Variants in ETV3 observed in about 807,000 individuals in gnomAD.
The protein encoded by ETV3 is ETS variant transcription factor 3.
A neutral mutation model predicts 33.0 loss-of-function variants in ETV3; 8 were observed. That is an observed-to-expected ratio of 0.24 (90% confidence interval 0.14 to 0.44). The LOEUF (loss-of-function observed/expected upper bound fraction) is 0.44, where lower values mean the gene tolerates loss of function less well. ETV3 is among the 20% of genes least tolerant of loss of function. The pLI is 1.00. For synonymous variants in ETV3, 222 were observed against 238.9 expected (o/e 0.93, Z 0.65); for missense variants, 473 against 652.3 (o/e 0.73, Z 2.99).
chr1:157,127,706 C>T (rs763943842), intron 4 of ETV3, among the ~76,000 whole-genome samples: 18 of 152,120 alleles, frequency 1.2e-4, no homozygotes, highest in Non-Finnish European at 1.9e-4. Flanking sequence ...CTACCATGCC[C>T]GGCTAATTTT....
chr1:157,125,169 G>A lies in ETV3; in HGVS notation c.1211C>T (p.Thr404Ile). Residue 404 changes from threonine (T) to isoleucine (I), a missense_variant, in exon 5 of 5, where the codon ACT becomes ATT. Around this residue, in one of 3 missense-constraint regions of ETV3, gnomAD observed 410 missense variants for 520.2 expected, o/e 0.79. Coordinates refer to ENST00000368192, the MANE Select transcript of ETV3 (RefSeq NM_001145312.3). This position sits in a 1 kb window ranked among gnomAD's most constrained non-coding sequence, Gnocchi z 4.0. The stretch of plus-strand genomic sequence containing the variant: ...GCTTGGCACAGTGCCCTCTTCTTGA[G>A]TGTGCTCCTCCTTCTCTCGTGCCGA... ...RQSAREKEEH[T>I]QEEGTVPSRT... 1.9e-6 allele frequency: 3 copies of A among 1,552,048 alleles called. No homozygotes were observed. The highest frequency in any genetic ancestry group is 2.6e-6 in the Non-Finnish European group (3 of 1,147,038).
chr1:157,126,393 T>C (rs1441385997), intron 4 of ETV3, among the ~76,000 whole-genome samples: 1 of 152,216 alleles, frequency 6.6e-6, no homozygotes, highest in East Asian at 1.9e-4. Flanking sequence ...CTAAATATTG[T>C]GTATATATTA....
chr1:157,130,700 G>A (rs1349584838), intron 4 of ETV3, among the ~76,000 whole-genome samples: 2 of 152,076 alleles, frequency 1.3e-5, no homozygotes, highest in African/African-American at 4.8e-5. Flanking sequence ...GTCAGCACAG[G>A]GCCTATTGTT....
chr1:157,132,421 C>T (rs755226474), intron 4 of ETV3, among the ~76,000 whole-genome samples: 17 of 152,214 alleles, frequency 1.1e-4, no homozygotes, highest in South Asian at 2.1e-4. Context: ...CTTCCCAGGG[C>T]TTATGAATGC....
chr1:157,131,273 C>T (rs1571699596), intron 4 of ETV3, among the ~76,000 whole-genome samples: 1 of 152,248 alleles, frequency 6.6e-6, no homozygotes, highest in African/African-American at 2.4e-5. Context: ...GTTTCTTATG[C>T]AAATATAAGA....
chr1:157,133,952 T>C (rs1675033123), intron 4 of ETV3, 160 bp downstream of exon 4: 2 of 1,446,668 alleles, frequency 1.4e-6, no homozygotes, highest in Admixed American at 2.9e-5. Flanking sequence ...ACTCTCCTTA[T>C]AAGTGAGATG....
Position 157,122,381 on chromosome 1 carries a change from C to G in ETV3, c.*2460G>C, listed in dbSNP as rs1437182947. 1 of 152,074 alleles carries G rather than the reference C, an allele frequency of 6.6e-6. No individual in the cohort carries two copies. The highest frequency in any genetic ancestry group is 1.5e-5 in the Non-Finnish European group (1 of 68,036). The allele number at this position is 152,074 out of a possible 1,614,324, so 9.4% of individuals were successfully genotyped here. A position where few individuals can be genotyped will look rare whatever the true frequency, so the allele number is the denominator to read the frequency against. On this transcript the variant is annotated 3_prime_UTR_variant, in exon 5 of 5. Coordinates refer to ENST00000368192, the MANE Select transcript of ETV3 (RefSeq NM_001145312.3). ...ACCCCAGAGTGCAGTGCAAATCAAC[C>G]AACAATTTACTGGTGGAATGGCAAT...
chr1:157,137,925 T>C (rs1046579189), intron 1 of ETV3, among the ~76,000 whole-genome samples: 2 of 152,200 alleles, frequency 1.3e-5, no homozygotes, highest in African/African-American at 4.8e-5. Context: ...GTCTCAACTC[T>C]GCAAACCACA....
chr1:157,136,290 G>A lies in ETV3; in HGVS notation c.46+17C>T, dbSNP rs763344319. On this transcript the variant is annotated intron_variant, in intron 2 of 4. Transcript: ENST00000368192. ...GGAAGCTTCCAGGTACATCAGAGAT[G>A]ATTAACTTCTGCTCACCTCCACCTC... 1 of 1,611,916 alleles carries A rather than the reference G, an allele frequency of 6.2e-7. No homozygotes were observed. Among genetic ancestry groups the A allele is most frequent in the East Asian group, 2.2e-5 (1 of 44,772 alleles).
intron 3 of ETV3, 57 bp from the exon 4 acceptor site, chr1:157,134,284 C>T (rs1157752498): frequency 2.5e-6 from 4 of 1,573,812 alleles, no homozygotes; most frequent in South Asian, 1.2e-5. Flanking sequence ...GCTTTCAATA[C>T]ACTTAGGTAG....
rs150786870 is a variant in ETV3, at chr1:157,133,321, T to G, written c.400+791A>C. 6.0e-6 allele frequency: 5 copies of G among 829,552 alleles called. No homozygotes were observed. In the East Asian group the frequency reaches 6.2e-4, roughly 102 times the overall value. 51.4% of individuals were successfully genotyped at this position (829,552 alleles called of 1,614,324 possible). On this transcript the variant is annotated intron_variant, in intron 4 of 4. Transcript: ENST00000368192. ...TATATGAATGGAGTTTGGTACTATC[T>G]GTGGTTTGCGAATCTACTAGGGGTC...
In ETV3 at chr1:157,123,920, C is replaced by A. The variant is rs771817695; in HGVS notation, c.*921G>T. ...GCTCACAGTCACACTTGGTTTGGCT[C>A]CCCAAACCCACAATAGAAAAGGAAA... On this transcript the variant is annotated 3_prime_UTR_variant, in exon 5 of 5. Coordinates refer to ENST00000368192, the MANE Select transcript of ETV3 (RefSeq NM_001145312.3). 1 of 152,156 alleles carries A rather than the reference C, an allele frequency of 6.6e-6. No individual in the cohort carries two copies. Among genetic ancestry groups the A allele is most frequent in the Non-Finnish European group, 1.5e-5 (1 of 68,036 alleles). The allele number at this position is 152,156 out of a possible 1,614,324, so 9.4% of individuals were successfully genotyped here. A position where few individuals can be genotyped will look rare whatever the true frequency, so the allele number is the denominator to read the frequency against.
chr1:157,134,796 C>CTG (rs1483208400), intron 3 of ETV3, among the ~76,000 whole-genome samples: 1 of 152,234 alleles, frequency 6.6e-6, no homozygotes, highest in South Asian at 2.1e-4. Flanking sequence ...AGCAAAGCCA[C>CTG]TGTACAGAGT....
Position 157,123,311 on chromosome 1 carries a change from G to C in ETV3, c.*1530C>G, listed in dbSNP as rs189605488. 7 of 152,366 alleles carry C rather than the reference G, an allele frequency of 4.6e-5. No homozygotes were observed. The highest frequency in any genetic ancestry group is 1.0e-4 in the Non-Finnish European group (7 of 68,080). The allele number at this position is 152,366 out of a possible 1,614,324, so 9.4% of individuals were successfully genotyped here. On this transcript the variant is annotated 3_prime_UTR_variant, in exon 5 of 5. Coordinates refer to ENST00000368192, the MANE Select transcript of ETV3 (RefSeq NM_001145312.3). ...CTTCTTTCTCTCTGCCCCTAGTCCAGGCTCCTTTGCTTCACGTAAGATTAA... is the reference window on the plus strand; with the variant it reads ...CTTCTTTCTCTCTGCCCCTAGTCCACGCTCCTTTGCTTCACGTAAGATTAA...
chr1:157,136,238 C>A, intron 2 of ETV3, 69 bp downstream of exon 2: 1 of 1,440,472 alleles, frequency 6.9e-7, no homozygotes, highest in South Asian at 1.1e-5. Flanking sequence ...GAACAGAGCT[C>A]AAGTGGAGAG....
In ETV3 at chr1:157,122,016, G is replaced by A. The variant is rs1021719925; in HGVS notation, c.*2825C>T. 4 of 152,236 alleles carry A rather than the reference G, an allele frequency of 2.6e-5. No individual in the cohort carries two copies. Among genetic ancestry groups the A allele is most frequent in the Non-Finnish European group, 4.4e-5 (3 of 68,010 alleles). The allele number at this position is 152,236 out of a possible 1,614,324, so 9.4% of individuals were successfully genotyped here. The stretch of plus-strand genomic sequence containing the variant: ...ATAGCTAAAAAAGCAAACTTTACAC[G>A]AAGAAGCTCTTGATTAAGGAAATTT... On this transcript the variant is annotated 3_prime_UTR_variant, in exon 5 of 5. Coordinates refer to ENST00000368192, the MANE Select transcript of ETV3 (RefSeq NM_001145312.3).
chr1:157,127,703 G>A (rs1450025516), intron 4 of ETV3, among the ~76,000 whole-genome samples: 1 of 152,050 alleles, frequency 6.6e-6, no homozygotes, highest in African/African-American at 2.4e-5. Flanking sequence ...GTGCTACCAT[G>A]CCCGGCTAAT....
At chr1:157,126,560 T>A (rs1003285585) in intron 4 of ETV3, among the ~76,000 whole-genome samples, 28 of 152,374 alleles carry the variant, frequency 1.8e-4, no homozygotes, top group Admixed American at 9.1e-4. Context: ...AGATAGTTGC[T>A]ACAAGAGGAC....
chr1:157,134,320 T>TG, intron 3 of ETV3, 93 bp from the exon 4 acceptor site: 1 of 1,480,502 alleles, frequency 6.8e-7, no homozygotes, highest in Non-Finnish European at 9.0e-7. Context: ...ATTCTTGCTC[T>TG]GAGTATTACT....
Sources: gnomAD v4.1 joint callset for allele counts (sites outside exome capture counted in the v4.1 genomes callset) on GRCh38, gnomAD v4.1.1 for gene constraint, gnomAD v4.1.1 regional missense constraint, Gnocchi (gnomAD v3.1) non-coding constraint, MANE v1.5 for transcripts, NCBI Gene and HGNC (gene_info 2026-07-23, HGNC 2026-07-21) for gene names.